The following MEGF11 variants were observed in gnomAD, a reference collection of about 807,000 sequenced individuals.
MEGF11 encodes the protein multiple EGF like domains 11, also known as multiple epidermal growth factor-like domains protein 11.
MEGF11 carries 126 observed loss-of-function variants against 146.6 expected under a neutral mutation model. The observed-to-expected ratio is 0.86, with a 90% CI of 0.74 to 1.00. The LOEUF is 1.00. MEGF11 is among the 50% of genes least tolerant of loss of function. The pLI is 0.00. For missense variants in MEGF11, 1,509 were observed against 1,521.2 expected, an observed-to-expected ratio of 0.99 and a Z score of 0.13; for synonymous variants, 532 against 583.4, an observed-to-expected ratio of 0.91 and a Z score of 1.27.
At chr15:66,223,197 G>A (rs981370962) in intron 1 of MEGF11, among the ~76,000 whole-genome samples, 1 of 152,126 alleles carries the variant, frequency 6.6e-6, no homozygotes, top group African/African-American at 2.4e-5. Context: ...GCTACAACAC[G>A]GATGGACCTT....
At chr15:66,206,912 C>A (rs1048349898) in intron 1 of MEGF11, among the ~76,000 whole-genome samples, 1 of 151,858 alleles carries the variant, frequency 6.6e-6, no homozygotes, top group African/African-American at 2.4e-5. Flanking sequence ...TTAAAAAATT[C>A]AAAAAATTTA....
intron 1 of MEGF11, among the ~76,000 whole-genome samples, chr15:66,203,718 C>T (rs549014182): frequency 1.3e-5 from 2 of 152,284 alleles, no homozygotes; most frequent in Non-Finnish European, 2.9e-5. Context: ...CCAGGTTAAA[C>T]AAGACAAAGG....
At chr15:66,040,805 G>T (rs1178704821) in intron 5 of MEGF11, among the ~76,000 whole-genome samples, 1 of 152,168 alleles carries the variant, frequency 6.6e-6, no homozygotes, top group Non-Finnish European at 1.5e-5. Flanking sequence ...ACCATGCATG[G>T]TTATGTATGT....
chr15:66,189,169 G>A lies in MEGF11; in HGVS notation c.-8-60758C>T, dbSNP rs892334227. Among the ~76,000 whole-genome samples, 9 of 152,062 alleles carry A rather than the reference G, an allele frequency of 5.9e-5. No homozygotes were observed. In the South Asian group the frequency reaches 8.3e-4, roughly 14 times the overall value. On this transcript the variant is annotated intron_variant, in intron 1 of 25. Coordinates refer to ENST00000395614, the MANE Select transcript of MEGF11 (RefSeq NM_001385028.1). ...CTTTAAATTATTTAACCTAATTACC[G>A]CCCCGTTCTCCCAGGGAGACAGTCA...
intron 24 of MEGF11, chr15:65,905,869 G>A: frequency 2.3e-6 from 1 of 440,138 alleles, no homozygotes; most frequent in Non-Finnish European, 4.0e-6. Flanking sequence ...TGCTAAGCAG[G>A]TGCAACTGAA....
At chr15:65,996,256 C>T (rs974594790) in intron 5 of MEGF11, among the ~76,000 whole-genome samples, 8 of 152,176 alleles carry the variant, frequency 5.3e-5, no homozygotes, top group Non-Finnish European at 7.3e-5. Context: ...GAGAAGAGCA[C>T]GTCCAAAGGG....
rs1403140504 is a variant in MEGF11 at position 65,895,746 on chromosome 15, T to C, written c.*2188A>G. 1 of 152,622 alleles carries C rather than the reference T, an allele frequency of 6.6e-6. No homozygotes were observed. The highest frequency in any genetic ancestry group is 2.4e-5 in the African/African-American group (1 of 41,454). The allele number at this position is 152,622 out of a possible 1,614,324, so 9.5% of individuals were successfully genotyped here. ...ATTTCCTTAAAAAGTCATGGACTGC[T>C]AGAGCTGAAGGGTTAGTAGAGCTGT... is the stretch of plus-strand genomic sequence containing the variant. On this transcript the variant is annotated 3_prime_UTR_variant, in exon 26 of 26. Coordinates refer to ENST00000395614, the MANE Select transcript of MEGF11 (RefSeq NM_001385028.1).
intron 23 of MEGF11, among the ~76,000 whole-genome samples, chr15:65,908,691 GA>G (rs2078703408): frequency 6.6e-6 from 1 of 152,226 alleles, no homozygotes; most frequent in Admixed American, 6.5e-5. Flanking sequence ...AGGGCCCAGA[GA>G]ACCCCAAAGA....
intron 1 of MEGF11, among the ~76,000 whole-genome samples, chr15:66,209,880 A>G (rs12592456): frequency 0.13 from 19,003 of 151,540 alleles, 1,289 homozygotes; most frequent in African/African-American, 0.17. Context: ...GCTGGAATGC[A>G]TGGTGCAAAC....
At chr15:66,218,136 C>T (rs2091634103) in intron 1 of MEGF11, among the ~76,000 whole-genome samples, 2 of 152,112 alleles carry the variant, frequency 1.3e-5, no homozygotes, top group African/African-American at 4.8e-5. Flanking sequence ...TTACAGTCGA[C>T]AATCACCTAT....
intron 19 of MEGF11, 40 bp from the exon 20 acceptor site, chr15:65,914,013 C>G: frequency 4.5e-6 from 7 of 1,549,230 alleles, no homozygotes; most frequent in Non-Finnish European, 6.2e-6. Context: ...GGCTGGCCTT[C>G]TTGCGCTTCA....
chr15:66,218,520 C>T (rs940486299), intron 1 of MEGF11, among the ~76,000 whole-genome samples: 1 of 152,168 alleles, frequency 6.6e-6, no homozygotes, highest in African/African-American at 2.4e-5. Flanking sequence ...CCAATCAAAC[C>T]CTCCCTGCTC....
chr15:66,058,000 T>C lies in MEGF11; in HGVS notation c.394+36402A>G, dbSNP rs557413838. On this transcript the variant is annotated intron_variant, in intron 5 of 25. Transcript: ENST00000395614. ...TTGCCACACAAAAAGAATTTAGAAA[T>C]GACATGGGGAACAAATATTCCAGCT... 1.4e-3 allele frequency among the ~76,000 whole-genome samples: 207 copies of C among 152,334 alleles called. 1 individual carries two copies. Among genetic ancestry groups the C allele is most frequent in the African/African-American group, 4.9e-3 (202 of 41,590 alleles).
rs112475165 is a variant in MEGF11 at position 66,084,471 on chromosome 15, C to T, written c.394+9931G>A. 6.6e-3 allele frequency among the ~76,000 whole-genome samples: 1,004 copies of T among 152,220 alleles called. 5 individuals carry two copies. Among genetic ancestry groups the T allele is most frequent in the Middle Eastern group, 0.041 (12 of 294 alleles). On this transcript the variant is annotated intron_variant, in intron 5 of 25. Coordinates refer to ENST00000395614, the MANE Select transcript of MEGF11 (RefSeq NM_001385028.1). The stretch of plus-strand genomic sequence containing the variant: ...GCTCCTGCAGGACCCAGGAGACACC[C>T]CAAATACTGTGAGTGCCCCAAGTGT...
At chr15:66,091,230 G>A (rs752238645) in intron 5 of MEGF11, among the ~76,000 whole-genome samples, 2 of 152,176 alleles carry the variant, frequency 1.3e-5, no homozygotes, top group Admixed American at 6.5e-5. Context: ...ACTGCAGAGA[G>A]CACACTGGCA....
At chr15:65,915,621 G>C in intron 18 of MEGF11, 23 bp from the exon 19 acceptor site, 1 of 1,611,066 alleles carries the variant, frequency 6.2e-7, no homozygotes, top group Non-Finnish European at 8.5e-7. Context: ...AAGAGTTAGG[G>C]TAGAGGACCC....
At chr15:65,924,309 C>T (rs1011604029) in intron 13 of MEGF11, among the ~76,000 whole-genome samples, 10 of 124,678 alleles carry the variant, frequency 8.0e-5, no homozygotes, top group Non-Finnish European at 1.4e-4. Context: ...AGTTTTGCAG[C>T]AGGGTAGAGG....
intron 1 of MEGF11, among the ~76,000 whole-genome samples, chr15:66,133,642 T>C (rs1035366685): frequency 6.6e-6 from 1 of 152,104 alleles, no homozygotes; most frequent in Non-Finnish European, 1.5e-5. Flanking sequence ...TAGGGCCTGA[T>C]TAGTGCGAGA....
chr15:66,080,619 T>G (rs2085808331), intron 5 of MEGF11, among the ~76,000 whole-genome samples: 1 of 152,228 alleles, frequency 6.6e-6, no homozygotes. Flanking sequence ...AAATGTGCAC[T>G]AAGAGGAAGT....
Sources: allele counts gnomAD v4.1 joint callset (sites outside exome capture counted in the v4.1 genomes callset), GRCh38; gene constraint gnomAD v4.1.1; transcripts MANE v1.5; gene names NCBI Gene and HGNC (gene_info 2026-07-23, HGNC 2026-07-21).